The following BTBD9 variants were observed in gnomAD, a reference collection of about 807,000 sequenced individuals.
The protein encoded by BTBD9 is BTB domain containing 9.
BTBD9 carries 49 observed loss-of-function variants against 64.3 expected under a neutral mutation model. The ratio of observed to expected loss-of-function variants is 0.76; its 90% confidence interval spans 0.61 to 0.97. BTBD9 has a LOEUF of 0.97. Among genes scored for constraint, BTBD9 ranks in the 50% least tolerant of loss-of-function variants. The pLI is 0.00. For missense variants in BTBD9, 598 were observed against 762.1 expected (o/e 0.78, Z 2.53); for synonymous variants, 260 against 274.7 (o/e 0.95, Z 0.53).
intron 9 of BTBD9, among the ~76,000 whole-genome samples, chr6:38,206,157 G>A (rs1325657483): frequency 6.6e-6 from 1 of 151,914 alleles, no homozygotes; most frequent in Non-Finnish European, 1.5e-5. Context: ...ATTGTGTTGT[G>A]GGGGAAGAAT....
intron 8 of BTBD9, among the ~76,000 whole-genome samples, chr6:38,257,660 T>C (rs949384738): frequency 2.0e-5 from 3 of 152,178 alleles, no homozygotes; most frequent in Admixed American, 1.3e-4. Flanking sequence ...AAACTTTCAT[T>C]ATTTAGAAAT....
intron 9 of BTBD9, among the ~76,000 whole-genome samples, chr6:38,211,911 G>C (rs150932448): frequency 4.6e-5 from 7 of 152,324 alleles, no homozygotes; most frequent in African/African-American, 7.2e-5. Flanking sequence ...AGAGTGTCTA[G>C]ACCAACATTT....
chr6:38,288,718 G>C lies in BTBD9; in HGVS notation c.1265-257C>G, dbSNP rs138509205. ...AGGCTGAGGTGGGCAGATCACTTGA[G>C]GTCAGGAGTTTGAGACCAGCCAACA... is the stretch of plus-strand genomic sequence containing the variant. On this transcript the variant is annotated intron_variant, in intron 7 of 10. Coordinates refer to ENST00000481247, the MANE Select transcript of BTBD9 (RefSeq NM_001099272.2). Among the ~76,000 whole-genome samples the C allele has an allele frequency of 3.8e-3, 574 of 152,158 alleles. 4 individuals are homozygous for C. Among genetic ancestry groups the C allele is most frequent in the African/African-American group, 0.013 (544 of 41,506 alleles).
At chr6:38,465,461 CAAAAAAAAA>C (rs762391834) in intron 6 of BTBD9, among the ~76,000 whole-genome samples, 4,730 of 67,472 alleles carry the variant, frequency 0.07, 341 homozygotes, top group African/African-American at 0.22. Flanking sequence ...ACTAAAAATA[CAAAAAAAAA>C]AAAAAAAAAA....
At chr6:38,297,733 C>T (rs1362108810) in intron 7 of BTBD9, among the ~76,000 whole-genome samples, 6 of 152,038 alleles carry the variant, frequency 3.9e-5, no homozygotes, top group Non-Finnish European at 8.8e-5. Flanking sequence ...ATTTACATGA[C>T]TCCCATTAAT....
intron 6 of BTBD9, among the ~76,000 whole-genome samples, chr6:38,501,223 C>T (rs1359028853): frequency 6.6e-6 from 1 of 152,198 alleles, no homozygotes; most frequent in East Asian, 1.9e-4. Context: ...TATCCCTGAT[C>T]CAAGCATCCA....
intron 6 of BTBD9, among the ~76,000 whole-genome samples, chr6:38,386,261 T>C (rs1191683394): frequency 6.6e-6 from 1 of 152,092 alleles, no homozygotes; most frequent in East Asian, 1.9e-4. Context: ...AAATTTAAGG[T>C]AGGATATCAA....
chr6:38,440,143 A>C (rs571152515), intron 6 of BTBD9, among the ~76,000 whole-genome samples: 1 of 152,204 alleles, frequency 6.6e-6, no homozygotes, highest in Non-Finnish European at 1.5e-5. Context: ...GGGAGTGTTC[A>C]GCATAGATAT....
intron 6 of BTBD9, among the ~76,000 whole-genome samples, chr6:38,551,930 T>C (rs1345853579): frequency 6.6e-6 from 1 of 152,226 alleles, no homozygotes; most frequent in Admixed American, 6.5e-5. Context: ...GAAGATTTTA[T>C]AAACACCCAG....
At chr6:38,468,487 G>A (rs1394756083) in intron 6 of BTBD9, among the ~76,000 whole-genome samples, 1 of 152,192 alleles carries the variant, frequency 6.6e-6, no homozygotes, top group Non-Finnish European at 1.5e-5. Flanking sequence ...TCAAGGCCTA[G>A]TATAAATATC....
chr6:38,391,870 C>G (rs114948374), intron 6 of BTBD9, among the ~76,000 whole-genome samples: 1 of 152,162 alleles, frequency 6.6e-6, no homozygotes, highest in Non-Finnish European at 1.5e-5. Context: ...AGTAGCTGAT[C>G]GATCGGCAAC....
intron 6 of BTBD9, among the ~76,000 whole-genome samples, chr6:38,438,270 C>G (rs1011137315): frequency 2.2e-5 from 2 of 89,112 alleles, no homozygotes; most frequent in African/African-American, 9.3e-5. Flanking sequence ...AAGGAACAGA[C>G]TACTACTGGA....
rs113536458 is a variant in BTBD9 at position 38,347,491 on chromosome 6, T to C, written c.1155-2398A>G. ...ACAATGCTAAGTTTCTAGAAAAAAA[T>C]TGTAGCATAATTTGCAAAAATGGCA... On this transcript the variant is annotated intron_variant, in intron 6 of 10. Coordinates refer to ENST00000481247, the MANE Select transcript of BTBD9 (RefSeq NM_001099272.2). Among the ~76,000 whole-genome samples, 1,108 of 152,288 alleles carry C rather than the reference T, an allele frequency of 7.3e-3. 16 individuals are homozygous for C. The highest frequency in any genetic ancestry group is 0.025 in the African/African-American group (1,035 of 41,562).
At chr6:38,613,856 T>A (rs897881821) in intron 1 of BTBD9, among the ~76,000 whole-genome samples, 1 of 152,172 alleles carries the variant, frequency 6.6e-6, no homozygotes, top group Non-Finnish European at 1.5e-5. Context: ...TTGGCTTTTG[T>A]TAATCTCATT....
chr6:38,471,059 T>C (rs1770627109), intron 6 of BTBD9, among the ~76,000 whole-genome samples: 1 of 152,196 alleles, frequency 6.6e-6, no homozygotes, highest in Non-Finnish European at 1.5e-5. Context: ...AAGGAACATG[T>C]AAATAGAGGA....
At chr6:38,228,934 T>C (rs1582083490) in intron 9 of BTBD9, among the ~76,000 whole-genome samples, 1 of 147,616 alleles carries the variant, frequency 6.8e-6, no homozygotes, top group East Asian at 2.1e-4. Context: ...CATGGTGGCT[T>C]ACGCCTGTAA....
chr6:38,267,566 G>C (rs1411587654), intron 8 of BTBD9, among the ~76,000 whole-genome samples: 1 of 152,166 alleles, frequency 6.6e-6, no homozygotes, highest in African/African-American at 2.4e-5. Context: ...TGCTTCTACA[G>C]TGCAGGGACC....
chr6:38,532,364 C>T (rs1276635750), intron 6 of BTBD9, among the ~76,000 whole-genome samples: 2 of 152,112 alleles, frequency 1.3e-5, no homozygotes, highest in East Asian at 3.9e-4. Flanking sequence ...GCAGTCTAGG[C>T]CACAAGAGAC....
chr6:38,317,185 C>G (rs1763060031), intron 7 of BTBD9, among the ~76,000 whole-genome samples: 1 of 151,956 alleles, frequency 6.6e-6, no homozygotes, highest in Non-Finnish European at 1.5e-5. Flanking sequence ...TTAGTAGAGA[C>G]AGGGTTTCAC....
Sources: allele counts gnomAD v4.1 joint callset (sites outside exome capture counted in the v4.1 genomes callset), GRCh38; gene constraint gnomAD v4.1.1; transcripts MANE v1.5; gene names NCBI Gene and HGNC (gene_info 2026-07-23, HGNC 2026-07-21).